SLC5A4: variants seen among roughly 807,000 people sequenced by gnomAD.
SLC5A4 encodes probable glucose sensor protein SLC5A4.
SLC5A4 carries 55 observed loss-of-function variants against 70.3 expected under a neutral mutation model. The observed-to-expected ratio is 0.78, with a 90% CI of 0.63 to 0.98. The LOEUF (loss-of-function observed/expected upper bound fraction) is 0.98, where lower values mean the gene tolerates loss of function less well. Ranked by LOEUF, SLC5A4 falls within the 50% of genes least tolerant of loss-of-function variation. The pLI is 0.00. For missense variants in SLC5A4, 735 were observed against 839.2 expected (o/e 0.88, Z 1.53); for synonymous variants, 268 against 305.7 (o/e 0.88, Z 1.29).
the SLC5A4 span, among the ~76,000 whole-genome samples, chr22:32,307,162 A>G: frequency 2.2e-5 from 2 of 89,850 alleles, no homozygotes; most frequent in East Asian, 3.9e-4. Context: ...AATGGTGCCT[A>G]CTGGAGGGTT....
chr22:32,224,480 TC>T lies in SLC5A4; in HGVS notation c.1451del (p.Gly484GlufsTer6). On this transcript the variant is annotated frameshift_variant and splice_region_variant, in exon 13 of 15. Coordinates refer to ENST00000266086, the MANE Select transcript of SLC5A4 (RefSeq NM_014227.3). LOFTEE classifies it high-confidence loss of function. ...AIFCKRVNEQGAFWGLMVGLA... is the reference protein window; with the variant it reads ...AIFCKRVNEQXAFWGLMVGLA... Reference sequence around the variant, plus strand: ...GTCCAACCATTAGACCCCAGAATGCTCCCTGCAAAAGAAGCAAGAAGAAAAT... The same window carrying T: ...GTCCAACCATTAGACCCCAGAATGCTCCTGCAAAAGAAGCAAGAAGAAAAT... The T allele has an allele frequency of 6.2e-7, 1 of 1,610,538 alleles. No homozygotes were observed. The highest frequency in any genetic ancestry group is 1.3e-5 in the African/African-American group (1 of 74,930).
At chr22:32,307,124 C>T in the SLC5A4 span, among the ~76,000 whole-genome samples, 1 of 151,214 alleles carries the variant, frequency 6.6e-6, no homozygotes, top group African/African-American at 2.4e-5. Flanking sequence ...CCCTGGGAGC[C>T]CATTACCATT....
the SLC5A4 span, among the ~76,000 whole-genome samples, chr22:32,331,198 G>C: frequency 1.5e-5 from 2 of 129,768 alleles, no homozygotes. Flanking sequence ...GGGGGCTCTG[G>C]TGTGTGTATT....
At chr22:32,253,614 T>G (rs1478013054) in intron 2 of SLC5A4, among the ~76,000 whole-genome samples, 1 of 152,158 alleles carries the variant, frequency 6.6e-6, no homozygotes, top group Non-Finnish European at 1.5e-5. Context: ...GGGGCTGAGC[T>G]GGGGTCCTTC....
the SLC5A4 span, among the ~76,000 whole-genome samples, chr22:32,327,595 G>A: frequency 6.6e-6 from 1 of 152,246 alleles, no homozygotes; most frequent in African/African-American, 2.4e-5. Context: ...TCCAAGCCCA[G>A]TGCAGAGCCT....
At chr22:32,335,795 A>C in the SLC5A4 span, among the ~76,000 whole-genome samples, 6 of 103,024 alleles carry the variant, frequency 5.8e-5, no homozygotes, top group African/African-American at 1.6e-4. Context: ...GGGTCAGGTG[A>C]CAAGTCCCCC....
At chr22:32,273,007 C>T in the SLC5A4 span, 1 of 541,658 alleles carries the variant, frequency 1.8e-6, no homozygotes, top group East Asian at 5.2e-5. Flanking sequence ...GCTACCTGTA[C>T]CTGAGCACCA....
At chr22:32,293,832 T>A in the SLC5A4 span, among the ~76,000 whole-genome samples, 3 of 152,260 alleles carry the variant, frequency 2.0e-5, no homozygotes, top group East Asian at 5.8e-4. Flanking sequence ...ATTTTAATCT[T>A]TTCTAAGAAG....
chr22:32,219,653 G>GAAAAAAAAAAAAAAAAAAAAAAAAAA (rs1924956854), intron 14 of SLC5A4, among the ~76,000 whole-genome samples: 1 of 52,594 alleles, frequency 1.9e-5, no homozygotes, highest in Non-Finnish European at 3.8e-5. Flanking sequence ...AAAAAAAAAA[G>GAAAAAAAAAAAAAAAAAAAAAAAAAA]AATAAACCTA....
chr22:32,222,104 C>T (rs2123863836), intron 13 of SLC5A4, among the ~76,000 whole-genome samples: 1 of 152,298 alleles, frequency 6.6e-6, no homozygotes, highest in African/African-American at 2.4e-5. Flanking sequence ...CTAAGTTATA[C>T]CTCATTTTAA....
chr22:32,306,652 C>T, the SLC5A4 span, among the ~76,000 whole-genome samples: 3 of 152,118 alleles, frequency 2.0e-5, no homozygotes, highest in Admixed American at 6.5e-5. Context: ...TATTTCCATC[C>T]CCCAACCCCT....
At chr22:32,269,754 C>T in the SLC5A4 span, 1 of 650,490 alleles carries the variant, frequency 1.5e-6, no homozygotes. This position sits in a 1 kb window ranked among gnomAD's most constrained non-coding sequence, Gnocchi z 4.1. Context: ...GTGCACCCAG[C>T]TGGGTGTGTG....
the SLC5A4 span, among the ~76,000 whole-genome samples, chr22:32,294,080 C>G: frequency 1.3e-5 from 2 of 151,428 alleles, no homozygotes; most frequent in South Asian, 4.2e-4. Flanking sequence ...AGTAGAGCTT[C>G]TTGAATTTGT....
the SLC5A4 span, among the ~76,000 whole-genome samples, chr22:32,303,874 C>A: frequency 2.0e-5 from 3 of 152,120 alleles, no homozygotes; most frequent in African/African-American, 7.2e-5. Flanking sequence ...TAAGAAACTG[C>A]CAAACTGTCT....
intron 5 of SLC5A4, among the ~76,000 whole-genome samples, chr22:32,244,672 T>C (rs972010142): frequency 6.6e-6 from 1 of 152,068 alleles, no homozygotes; most frequent in Non-Finnish European, 1.5e-5. Flanking sequence ...GGACAATAAA[T>C]GTGTGCCCCC....
At chr22:32,352,999 G>A in the SLC5A4 span, among the ~76,000 whole-genome samples, 46 of 152,228 alleles carry the variant, frequency 3.0e-4, no homozygotes, top group Non-Finnish European at 1.0e-4. Context: ...AACTGGGCAG[G>A]CAAAGCCAAG....
At chr22:32,310,332 G>A in the SLC5A4 span, among the ~76,000 whole-genome samples, 4 of 152,144 alleles carry the variant, frequency 2.6e-5, no homozygotes, top group Non-Finnish European at 5.9e-5. Context: ...GAAACTGAGG[G>A]AACAGACCTT....
chr22:32,247,746 C>T (rs1926916885), intron 4 of SLC5A4, among the ~76,000 whole-genome samples: 1 of 152,190 alleles, frequency 6.6e-6, no homozygotes, highest in Non-Finnish European at 1.5e-5. Flanking sequence ...CCATGGATAA[C>T]TCCAGCCAAG....
chr22:32,315,649 AAC>A, the SLC5A4 span, among the ~76,000 whole-genome samples: 6 of 152,088 alleles, frequency 3.9e-5, no homozygotes, highest in Non-Finnish European at 8.8e-5. Context: ...CAGAAAATAA[AAC>A]AAAGACAACA....
Sources: allele counts gnomAD v4.1 joint callset (sites outside exome capture counted in the v4.1 genomes callset), GRCh38; gene constraint gnomAD v4.1.1; non-coding constraint Gnocchi (gnomAD v3.1); transcripts MANE v1.5; gene names NCBI Gene and HGNC (gene_info 2026-07-23, HGNC 2026-07-21).